The following ACAP2 variants were observed in gnomAD, a reference collection of about 807,000 sequenced individuals.
ACAP2 encodes arf-GAP with coiled-coil, ANK repeat and PH domain-containing protein 2.
ACAP2 carries 39 observed loss-of-function variants against 115.8 expected under a neutral mutation model. The observed-to-expected ratio is 0.34, with a 90% confidence interval of 0.26 to 0.44. The LOEUF (loss-of-function observed/expected upper bound fraction) is 0.44. Ranked by LOEUF, ACAP2 falls within the 20% of genes least tolerant of loss-of-function variation. The pLI, the probability that ACAP2 is intolerant of heterozygous loss-of-function variation, is 1.00. For synonymous variants in ACAP2, 289 were observed against 315.8 expected, an observed-to-expected ratio of 0.92 and a Z score of 0.90; for missense variants, 662 against 927.6, an observed-to-expected ratio of 0.71 and a Z score of 3.72.
chr3:195,386,128 C>CTAGTCACA (rs1734282611), intron 2 of ACAP2, among the ~76,000 whole-genome samples: 1 of 152,166 alleles, frequency 6.6e-6, no homozygotes, highest in Admixed American at 6.5e-5. Context: ...GAGAAAGGAG[C>CTAGTCACA]TAGTCACATA....
At chr3:195,281,643 A>G (rs976978600) in intron 22 of ACAP2, among the ~76,000 whole-genome samples, 7 of 152,228 alleles carry the variant, frequency 4.6e-5, no homozygotes, top group African/African-American at 1.2e-4. Context: ...CATGACTAAA[A>G]TAAAAGGTTG....
intron 4 of ACAP2, among the ~76,000 whole-genome samples, chr3:195,348,736 C>T (rs1050120278): frequency 2.0e-5 from 3 of 152,088 alleles, no homozygotes; most frequent in Non-Finnish European, 4.4e-5. Flanking sequence ...ATGACAGACA[C>T]AAAAAAGCAC....
At chr3:195,296,926 T>C (rs1448716105) in intron 16 of ACAP2, among the ~76,000 whole-genome samples, 1 of 152,192 alleles carries the variant, frequency 6.6e-6, no homozygotes, top group Non-Finnish European at 1.5e-5. Context: ...TGGTCTACTT[T>C]AACTGACTGT....
At chr3:195,300,834 T>C (rs1727996852) in intron 15 of ACAP2, among the ~76,000 whole-genome samples, 1 of 152,136 alleles carries the variant, frequency 6.6e-6, no homozygotes, top group African/African-American at 2.4e-5. Flanking sequence ...CTGGGCAACA[T>C]GGTGAAACCA....
intron 2 of ACAP2, among the ~76,000 whole-genome samples, chr3:195,389,339 G>C (rs1285098920): frequency 1.3e-5 from 2 of 152,136 alleles, no homozygotes; most frequent in African/African-American, 4.8e-5. Flanking sequence ...AAAATAATCA[G>C]CAAAAACACT....
At chr3:195,366,867 C>T (rs1291354441) in intron 4 of ACAP2, among the ~76,000 whole-genome samples, 5 of 152,094 alleles carry the variant, frequency 3.3e-5, no homozygotes, top group African/African-American at 1.2e-4. Context: ...GAGTCCTTTA[C>T]AACAGTCATC....
chr3:195,354,504 C>T (rs1186500218), intron 4 of ACAP2, among the ~76,000 whole-genome samples: 1 of 152,070 alleles, frequency 6.6e-6, no homozygotes, highest in Non-Finnish European at 1.5e-5. Flanking sequence ...CTGTTCATGT[C>T]CTTTGCCTGC....
intron 1 of ACAP2, among the ~76,000 whole-genome samples, chr3:195,428,929 T>C (rs1220253969): frequency 6.6e-6 from 1 of 152,182 alleles, no homozygotes; most frequent in African/African-American, 2.4e-5. Flanking sequence ...CTCCTAGGTA[T>C]TTATCTTAAG....
At chr3:195,308,700 T>C (rs893793761) in intron 11 of ACAP2, 86 bp downstream of exon 11, 1 of 1,052,010 alleles carries the variant, frequency 9.5e-7, no homozygotes, top group Non-Finnish European at 1.4e-6. Flanking sequence ...TTTACACAAA[T>C]GAGTATGTAT....
intron 4 of ACAP2, among the ~76,000 whole-genome samples, chr3:195,347,511 T>C (rs1214255922): frequency 1.3e-5 from 2 of 152,284 alleles, no homozygotes; most frequent in East Asian, 3.9e-4. Flanking sequence ...AACTACTTTA[T>C]GGAAGAAAAT....
intron 4 of ACAP2, among the ~76,000 whole-genome samples, chr3:195,359,372 T>C (rs10439946): frequency 0.28 from 42,684 of 152,058 alleles, 6,822 homozygotes; most frequent in East Asian, 0.72. Flanking sequence ...CCAAAAATAA[T>C]GAGTATACCT....
rs1726222274 is a variant in ACAP2, at chr3:195,277,422, A to G, written c.*1906T>C. On this transcript the variant is annotated 3_prime_UTR_variant, in exon 23 of 23. Coordinates refer to ENST00000326793, the MANE Select transcript of ACAP2 (RefSeq NM_012287.6). ...GTTCCTGTTATTGTTATAATTAAAT[A>G]CAATGCTGTGGAAGTTAGCATTTCC... 1 of 152,258 alleles carries G rather than the reference A, an allele frequency of 6.6e-6. No homozygotes were observed. Among genetic ancestry groups the G allele is most frequent in the African/African-American group, 2.4e-5 (1 of 41,474 alleles). The allele number at this position is 152,258 out of a possible 1,614,324, so 9.4% of individuals were successfully genotyped here. A position where few individuals can be genotyped will look rare whatever the true frequency, so the allele number is the denominator to read the frequency against.
At chr3:195,315,404 A>G (rs1004358467) in intron 10 of ACAP2, among the ~76,000 whole-genome samples, 2 of 152,228 alleles carry the variant, frequency 1.3e-5, no homozygotes, top group Non-Finnish European at 2.9e-5. Flanking sequence ...AATGATATTA[A>G]TTTGCTATCC....
At chr3:195,415,431 C>T (rs1241485788) in intron 1 of ACAP2, among the ~76,000 whole-genome samples, 2 of 152,072 alleles carry the variant, frequency 1.3e-5, no homozygotes, top group East Asian at 3.9e-4. Context: ...CGTGCACCAC[C>T]ATGCCCAGCT....
intron 4 of ACAP2, among the ~76,000 whole-genome samples, chr3:195,371,608 G>GA (rs1477820957): frequency 1.3e-5 from 2 of 152,066 alleles, no homozygotes; most frequent in African/African-American, 4.8e-5. Flanking sequence ...AGGAGTGGTG[G>GA]GAGAGGGCAT....
intron 1 of ACAP2, chr3:195,410,982 C>CT (rs1713214558): frequency 2.6e-6 from 1 of 389,996 alleles, no homozygotes; most frequent in Admixed American, 2.8e-5. Context: ...CTGCTGGCAT[C>CT]TTTATCTTGG....
At chr3:195,391,856 ATGG>A (rs556017404) in intron 2 of ACAP2, among the ~76,000 whole-genome samples, 153 of 152,062 alleles carry the variant, frequency 1.0e-3, no homozygotes, top group African/African-American at 3.6e-3. Context: ...TTAGCTGGGC[ATGG>A]TGGTGCACGC....
intron 4 of ACAP2, chr3:195,356,016 AC>A: frequency 6.8e-6 from 3 of 441,160 alleles, no homozygotes; most frequent in South Asian, 4.7e-5. Flanking sequence ...ACAACCACCT[AC>A]ACAAAAAGCA....
At chr3:195,309,076 T>C (rs1161646423) in intron 10 of ACAP2, among the ~76,000 whole-genome samples, 3 of 152,206 alleles carry the variant, frequency 2.0e-5, no homozygotes, top group Non-Finnish European at 4.4e-5. Context: ...TAATTTCATG[T>C]CATAAATTTA....
Sources: allele counts gnomAD v4.1 joint callset (sites outside exome capture counted in the v4.1 genomes callset), GRCh38; gene constraint gnomAD v4.1.1; transcripts MANE v1.5; gene names NCBI Gene and HGNC (gene_info 2026-07-23, HGNC 2026-07-21).